VWF: variants seen among roughly 807,000 people sequenced by gnomAD.
The protein encoded by VWF is Factor VIII related antigen.
VWF carries 176 observed loss-of-function variants against 308.6 expected under a neutral mutation model. The ratio of observed to expected loss-of-function variants is 0.57; its 90% CI spans 0.50 to 0.65. The LOEUF (loss-of-function observed/expected upper bound fraction) is 0.65. Among genes scored for constraint, VWF ranks in the 30% least tolerant of loss-of-function variants. VWF has a pLI of 0.00. For missense variants in VWF, 3,146 were observed against 3,648.2 expected, an observed-to-expected ratio of 0.86 and a Z score of 3.55; for synonymous variants, 1,385 against 1,443.4, an observed-to-expected ratio of 0.96 and a Z score of 0.92.
chr12:6,095,656 G>A, intron 5 of VWF, 72 bp from the exon 6 acceptor site: 1 of 1,606,662 alleles, frequency 6.2e-7, no homozygotes, highest in Non-Finnish European at 8.5e-7. Flanking sequence ...GAAAATTCTA[G>A]GTCTGCTGGT....
chr12:6,110,301 A>G (rs1490479786), intron 5 of VWF, 73 bp downstream of exon 5: 5 of 1,488,532 alleles, frequency 3.4e-6, no homozygotes, highest in Non-Finnish European at 3.8e-6. Flanking sequence ...AAGGCATGTT[A>G]GTGAAGGTTT....
intron 48 of VWF, 84 bp from the exon 49 acceptor site, chr12:5,952,603 G>A: frequency 6.5e-7 from 1 of 1,544,064 alleles, no homozygotes; most frequent in Non-Finnish European, 8.8e-7. Flanking sequence ...ACTCCATGGA[G>A]ATGACGAAAC....
chr12:6,119,805 C>G (rs183367029), intron 3 of VWF, among the ~76,000 whole-genome samples: 1 of 152,168 alleles, frequency 6.6e-6, no homozygotes, highest in African/African-American at 2.4e-5. Context: ...TCGCACCACT[C>G]ACTGCACTCC....
chr12:6,000,874 C>T (rs1319737944), intron 34 of VWF, among the ~76,000 whole-genome samples: 2 of 146,582 alleles, frequency 1.4e-5, no homozygotes, highest in Non-Finnish European at 3.0e-5. Context: ...TAAGAGATGA[C>T]TAGGAAATGT....
intron 28 of VWF, 93 bp from the exon 29 acceptor site, chr12:6,016,963 C>T (rs1463117338): frequency 5.1e-6 from 7 of 1,380,620 alleles, no homozygotes; most frequent in East Asian, 2.3e-5. Flanking sequence ...ATCTGCAGGG[C>T]GTGCTGACCA....
chr12:6,053,789 G>A (rs1381367979), intron 15 of VWF, among the ~76,000 whole-genome samples: 1 of 152,204 alleles, frequency 6.6e-6, no homozygotes, highest in Non-Finnish European at 1.5e-5. Context: ...TGTGGAGAAT[G>A]TTCACTGCTA....
At chr12:6,008,425 T>C (rs1423869948) in intron 34 of VWF, among the ~76,000 whole-genome samples, 1 of 152,158 alleles carries the variant, frequency 6.6e-6, no homozygotes, top group Non-Finnish European at 1.5e-5. Flanking sequence ...AAAATCATAC[T>C]ATCATGTCAA....
At chr12:5,967,835 C>T (rs1427627083) in intron 46 of VWF, among the ~76,000 whole-genome samples, 1 of 152,158 alleles carries the variant, frequency 6.6e-6, no homozygotes, top group Non-Finnish European at 1.5e-5. Flanking sequence ...GCAGAGGGGA[C>T]AAACTAAAAC....
At chr12:5,961,602 A>C (rs1414564847) in intron 47 of VWF, among the ~76,000 whole-genome samples, 2 of 151,928 alleles carry the variant, frequency 1.3e-5, no homozygotes, top group East Asian at 1.9e-4. Flanking sequence ...AAAAAAAAAA[A>C]AAACACTATT....
chr12:5,961,589 CAAAA>C (rs71445686), intron 47 of VWF, among the ~76,000 whole-genome samples: 1 of 124,838 alleles, frequency 8.0e-6, no homozygotes. Context: ...TCTGCCCCCT[CAAAA>C]AAAAAAAAAA....
intron 5 of VWF, among the ~76,000 whole-genome samples, chr12:6,101,562 G>A (rs764997030): frequency 2.4e-4 from 37 of 151,426 alleles, no homozygotes; most frequent in Non-Finnish European, 1.8e-4. Context: ...AGATCACGAC[G>A]TCAGGAGATT....
intron 40 of VWF, among the ~76,000 whole-genome samples, chr12:5,984,017 TAGACAGAC>T (rs10579907): frequency 0.069 from 9,343 of 134,436 alleles, 343 homozygotes; most frequent in Admixed American, 0.083. Flanking sequence ...GATAGATAGA[TAGACAGAC>T]AGACAGACAG....
rs996706475 is a variant in VWF at position 6,110,927 on chromosome 12, G to C, written c.262C>G (p.Leu88Val). The change falls in exon 4 of 52, where the codon CTT becomes GTT. Residue 88 changes from leucine (L) to valine (V), a missense_variant. Transcript: ENST00000261405. ...AAATGGATGTCAAAAAATTCCCCAA[G>C]ATACACGGAGAGGCTCACTCTCTTG... The part of the protein sequence containing the change: ...NGKRVSLSVY[L>V]GEFFDIHLFV... 2.5e-6 allele frequency: 4 copies of C among 1,614,032 alleles called. No homozygotes were observed. The highest frequency in any genetic ancestry group is 2.7e-5 in the African/African-American group (2 of 74,906).
chr12:6,025,691 C>A lies in VWF; in HGVS notation c.3111G>T (p.Val1037=), dbSNP rs1333655156. ...AGGTGGCAGGGGATGAGTCCAGAGG[C>A]ACCTGGGAACCAGGCAAGAGATAGG... ...VSSQCADTRK[V]PLDSSPATCH... The change falls in exon 24 of 52, where the codon GTG becomes GTT. Residue 1037 remains valine (V), a splice_region_variant and synonymous_variant. Coordinates refer to ENST00000261405, the MANE Select transcript of VWF (RefSeq NM_000552.5). 2 of 1,449,130 alleles carry A rather than the reference C, an allele frequency of 1.4e-6. No homozygotes were observed. Among genetic ancestry groups the A allele is most frequent in the Non-Finnish European group, 1.9e-6 (2 of 1,037,980 alleles). 89.8% of individuals were successfully genotyped at this position (1,449,130 alleles called of 1,614,324 possible).
intron 50 of VWF, 112 bp downstream of exon 50, chr12:5,951,732 C>G: frequency 8.3e-7 from 1 of 1,200,450 alleles, no homozygotes; most frequent in Non-Finnish European, 1.2e-6. Context: ...ATAAAGCTTA[C>G]TCCAAAGAAC....
intron 18 of VWF, among the ~76,000 whole-genome samples, chr12:6,040,160 C>T (rs1174546011): frequency 6.6e-6 from 1 of 152,136 alleles, no homozygotes; most frequent in Non-Finnish European, 1.5e-5. Context: ...CCGCCGGACT[C>T]AGGAAGGGTG....
chr12:5,969,272 G>C lies in VWF; in HGVS notation c.7668C>G (p.Val2556=). 1 of 1,614,224 alleles carries C rather than the reference G, an allele frequency of 6.2e-7. No homozygotes were observed. Among genetic ancestry groups the C allele is most frequent in the Non-Finnish European group, 8.5e-7 (1 of 1,180,044 alleles). The change falls in exon 45 of 52, where the codon GTC becomes GTG. Residue 2556 remains valine, a synonymous_variant. Transcript: ENST00000261405. ...NVSCPQLEVP[V]CPSGFQLSCK... ...AGCTCAGCTGAAAGCCCGAGGGGCA[G>C]ACAGGGACCTCCAGCTGGGGGCAGG...
Position 5,949,099 on chromosome 12 carries a change from C to T in VWF, c.8358G>A (p.Leu2786=). ...ACACAACAGAGCCATTGGTGCAGTG[C>T]AGGGCCACCTGCATGGGCTCCGTCC... is the stretch of plus-strand genomic sequence containing the variant. ...PTRTEPMQVA[L]HCTNGSVVYH... Residue 2786 remains leucine, a synonymous_variant, in exon 52 of 52, where the codon CTG becomes CTA. Transcript: ENST00000261405. The T allele has an allele frequency of 6.2e-7, 1 of 1,614,236 alleles. No homozygotes were observed. The highest frequency in any genetic ancestry group is 8.5e-7 in the Non-Finnish European group (1 of 1,180,028).
intron 3 of VWF, among the ~76,000 whole-genome samples, chr12:6,113,583 C>T (rs771767362): frequency 6.6e-6 from 1 of 152,174 alleles, no homozygotes; most frequent in East Asian, 1.9e-4. Context: ...CGTGAGCCAC[C>T]GTGCCCTGCA....
Sources: gnomAD v4.1 joint callset for allele counts (sites outside exome capture counted in the v4.1 genomes callset) on GRCh38, gnomAD v4.1.1 for gene constraint, MANE v1.5 for transcripts, NCBI Gene and HGNC (gene_info 2026-07-23, HGNC 2026-07-21) for gene names.